Variants in PCDH15 observed in about 807,000 individuals in gnomAD.
PCDH15 encodes protocadherin related 15.
PCDH15 carries 129 observed loss-of-function variants against 178.5 expected under a neutral mutation model. The observed-to-expected ratio is 0.72, with a 90% CI of 0.63 to 0.84. The LOEUF (loss-of-function observed/expected upper bound fraction) is 0.84. Ranked by LOEUF, PCDH15 falls within the 40% of genes least tolerant of loss-of-function variation. PCDH15 has a pLI of 0.00. For synonymous variants in PCDH15, 800 were observed against 732.0 expected (o/e 1.09, Z -1.50); for missense variants, 2,230 against 2,099.9 (o/e 1.06, Z -1.21).
rs914648027 is a variant in PCDH15 at position 54,727,006 on chromosome 10, C to A, written c.-28-62716G>T. ...TATTTTTGTGGGTATTAACATTAAC[C>A]ATGGAAATGTCTCCAATATTGCTAG... On this transcript the variant is annotated intron_variant, in intron 1 of 37. Transcript: ENST00000644397. Among the ~76,000 whole-genome samples, 3 of 148,850 alleles carry A rather than the reference C, an allele frequency of 2.0e-5. No homozygotes were observed. The East Asian group carries it at 5.9e-4, about 29-fold the overall frequency.
In PCDH15 at chr10:55,066,947, CA is replaced by C. The variant is rs545706403; in HGVS notation, c.-80+99628del. Among the ~76,000 whole-genome samples, 653 of 151,880 alleles carry C rather than the reference CA, an allele frequency of 4.3e-3. 1 individual carries two copies. Among genetic ancestry groups the C allele is most frequent in the Non-Finnish European group, 6.6e-3 (445 of 67,798 alleles). On this transcript the variant is annotated intron_variant, in intron 2 of 5. Coordinates refer to the PCDH15 transcript ENST00000458638. ...CTAATACACAAAAATGATAAATATTCAAGCTGTTGTATACCCCAAGTGCTCT... is the reference window on the plus strand; with the variant it reads ...CTAATACACAAAAATGATAAATATTCAGCTGTTGTATACCCCAAGTGCTCT...
At chr10:55,206,978 T>C (rs1840420049) in intron 1 of PCDH15, among the ~76,000 whole-genome samples, 1 of 152,054 alleles carries the variant, frequency 6.6e-6, no homozygotes. Flanking sequence ...CAGATCTCTC[T>C]ATATTGATCT....
intron 8 of PCDH15, among the ~76,000 whole-genome samples, chr10:54,281,151 A>C (rs2058682600): frequency 6.6e-6 from 1 of 152,094 alleles, no homozygotes; most frequent in South Asian, 2.1e-4. Context: ...GTCTTTAATT[A>C]GCTAGAAAAA....
chr10:55,437,832 CT>C (rs778307616), intron 2 of PCDH15, among the ~76,000 whole-genome samples: 194 of 85,152 alleles, frequency 2.3e-3, no homozygotes, highest in Middle Eastern at 7.9e-3. Flanking sequence ...TATTGCTTTT[CT>C]TTTTTTTTTT....
intron 2 of PCDH15, among the ~76,000 whole-genome samples, chr10:54,941,016 A>G (rs1021814913): frequency 1.3e-5 from 2 of 151,904 alleles, no homozygotes; most frequent in South Asian, 4.2e-4. Context: ...TTTTGATGTC[A>G]TTGTTTATAT....
intron 2 of PCDH15, among the ~76,000 whole-genome samples, chr10:55,086,227 C>G (rs1733747): frequency 0.091 from 13,772 of 151,816 alleles, 1,861 homozygotes; most frequent in African/African-American, 0.3. Flanking sequence ...TCATTGTAAT[C>G]ACTCTCATAG....
At chr10:53,995,896 T>C in intron 20 of PCDH15, 131 bp from the exon 21 acceptor site, 1 of 819,134 alleles carries the variant, frequency 1.2e-6, no homozygotes, top group Non-Finnish European at 2.0e-6. Flanking sequence ...CTCAATTCCA[T>C]TACTCTCATT....
At chr10:54,463,349 C>A (rs116409909) in intron 3 of PCDH15, among the ~76,000 whole-genome samples, 1,688 of 152,210 alleles carry the variant, frequency 0.011, 26 homozygotes, top group African/African-American at 0.037. Context: ...TTTACCAACT[C>A]TAATAATAAT....
At chr10:54,988,046 A>G (rs1029430729) in intron 2 of PCDH15, among the ~76,000 whole-genome samples, 6 of 152,132 alleles carry the variant, frequency 3.9e-5, no homozygotes, top group South Asian at 2.1e-4. Context: ...TGTATAAGGT[A>G]TAAGGAAGGG....
At chr10:54,863,073 A>C (rs1953873562) in intron 3 of PCDH15, among the ~76,000 whole-genome samples, 1 of 152,066 alleles carries the variant, frequency 6.6e-6, no homozygotes, top group Non-Finnish European at 1.5e-5. Flanking sequence ...TGTTCCTCAA[A>C]CTATGCTTAA....
chr10:53,853,021 G>A (rs935058593), intron 28 of PCDH15, among the ~76,000 whole-genome samples: 11 of 151,926 alleles, frequency 7.2e-5, no homozygotes, highest in African/African-American at 2.7e-4. Context: ...GCTTCACAGT[G>A]CTGACTCAGG....
At chr10:53,986,235 A>C (rs911268044) in intron 21 of PCDH15, among the ~76,000 whole-genome samples, 4 of 152,218 alleles carry the variant, frequency 2.6e-5, no homozygotes, top group Non-Finnish European at 1.5e-5. Context: ...GCTCAACATC[A>C]TTAGTCATAA....
At chr10:54,793,812 G>A (rs915313955) in intron 1 of PCDH15, among the ~76,000 whole-genome samples, 4 of 148,744 alleles carry the variant, frequency 2.7e-5, no homozygotes, top group East Asian at 2.0e-4. Flanking sequence ...GTTAAATAGC[G>A]TAATAGGAAG....
At chr10:54,936,057 C>T (rs1454477) in intron 2 of PCDH15, among the ~76,000 whole-genome samples, 20,363 of 151,954 alleles carry the variant, frequency 0.13, 1,557 homozygotes, top group East Asian at 0.23. Context: ...CCTCAATACC[C>T]TCAGTTCTAG....
At chr10:55,269,617 G>A (rs1447892430) in intron 1 of PCDH15, among the ~76,000 whole-genome samples, 2 of 151,910 alleles carry the variant, frequency 1.3e-5, no homozygotes, top group Admixed American at 1.3e-4. Context: ...AGACACAGCT[G>A]AAAAAAACCA....
chr10:53,965,060 AT>A (rs60097108), intron 21 of PCDH15, among the ~76,000 whole-genome samples: 3,106 of 144,572 alleles, frequency 0.021, 70 homozygotes, highest in African/African-American at 0.06. Context: ...TAGTACCTAC[AT>A]TTTTTTTTTT....
chr10:54,816,831 G>T, intron 3 of PCDH15, among the ~76,000 whole-genome samples: 1 of 151,952 alleles, frequency 6.6e-6, no homozygotes, highest in East Asian at 1.9e-4. Context: ...CCCTACCCAA[G>T]TCACTATCTA....
chr10:54,336,311 G>T (rs977953834), intron 6 of PCDH15, among the ~76,000 whole-genome samples: 1 of 152,162 alleles, frequency 6.6e-6, no homozygotes, highest in African/African-American at 2.4e-5. Flanking sequence ...AAGTAATGAG[G>T]AACCAAATGT....
intron 2 of PCDH15, among the ~76,000 whole-genome samples, chr10:55,475,496 C>T (rs184348091): frequency 6.6e-6 from 1 of 152,212 alleles, no homozygotes; most frequent in East Asian, 1.9e-4. Context: ...CATACCTAAA[C>T]TAAAAATCCA....
Sources: allele counts gnomAD v4.1 joint callset (sites outside exome capture counted in the v4.1 genomes callset), GRCh38; gene constraint gnomAD v4.1.1; transcripts MANE v1.5; gene names NCBI Gene and HGNC (gene_info 2026-07-23, HGNC 2026-07-21).